The following GOLGB1 variants were observed in gnomAD, a reference collection of about 807,000 sequenced individuals.
GOLGB1 encodes golgin B1.
In GOLGB1, 174 loss-of-function variants were observed where a neutral mutation model predicts 336.9. That is an observed-to-expected ratio of 0.52 (90% confidence interval 0.46 to 0.59). The LOEUF (loss-of-function observed/expected upper bound fraction) is 0.59. Ranked by LOEUF, GOLGB1 falls within the 20% of genes least tolerant of loss-of-function variation. GOLGB1 has a pLI of 0.00. For missense variants in GOLGB1, 3,331 were observed against 3,645.3 expected (o/e 0.91, Z 2.22); for synonymous variants, 1,208 against 1,289.2 (o/e 0.94, Z 1.35).
Position 121,716,739 on chromosome 3 carries a change from T to C in GOLGB1, c.1286A>G (p.Glu429Gly), listed in dbSNP as rs779906510. ...VQSAQTIQQLEDQLQQKSKEI... is the reference protein window; with the variant it reads ...VQSAQTIQQLGDQLQQKSKEI... ...TTCAAAAGCAATCAGCTACTGACCT[T>C]CCAGTTGCTGAATGGTCTGGGCTGA... Residue 429 changes from glutamate (E) to glycine (G), a missense_variant and splice_region_variant, in exon 9 of 22, where the codon GAA (glutamate) becomes GGA (glycine). Physicochemically the swap from Glu to Gly is moderately conservative, Grantham distance 98 (BLOSUM62 -2). Transcript: ENST00000614479. 38 of 1,604,814 alleles carry C rather than the reference T, an allele frequency of 2.4e-5. No homozygotes were observed. The highest frequency in any genetic ancestry group is 3.1e-5 in the Non-Finnish European group (37 of 1,174,978).
At chr3:121,730,156 AATC>A (rs746584065) in intron 2 of GOLGB1, 139 bp from the exon 3 acceptor site, 3 of 594,948 alleles carry the variant, frequency 5.0e-6, no homozygotes, top group Non-Finnish European at 8.9e-6. Flanking sequence ...ATCCAATAAT[AATC>A]ATTATCATAG....
chr3:121,685,558 T>C (rs1465044457), intron 14 of GOLGB1, among the ~76,000 whole-genome samples: 4 of 150,762 alleles, frequency 2.7e-5, no homozygotes, highest in African/African-American at 9.8e-5. Context: ...AATAAATAAA[T>C]AAATAAATAA....
intron 10 of GOLGB1, among the ~76,000 whole-genome samples, chr3:121,707,039 C>T (rs1174202754): frequency 7.3e-5 from 11 of 150,388 alleles, no homozygotes; most frequent in African/African-American, 2.7e-4. Flanking sequence ...GGTGAAACCC[C>T]GTCTCTACCA....
intron 17 of GOLGB1, among the ~76,000 whole-genome samples, chr3:121,674,973 C>A (rs1166196210): frequency 6.6e-6 from 1 of 151,404 alleles, no homozygotes; most frequent in East Asian, 1.9e-4. Flanking sequence ...GTAGCTGGGA[C>A]TACAGGCGCC....
chr3:121,696,023 T>A lies in GOLGB1; in HGVS notation c.4500A>T (p.Ala1500=), dbSNP rs755785398. 6.2e-7 allele frequency: 1 copy of A among 1,614,180 alleles called. No individual in the cohort carries two copies. Among genetic ancestry groups the A allele is most frequent in the Non-Finnish European group, 8.5e-7 (1 of 1,180,020 alleles). The change falls in exon 13 of 22, where the codon GCA becomes GCT. Residue 1500 remains alanine (A), a synonymous_variant. Transcript: ENST00000614479. ...LQAALISRKE[A]LKENKSLQEE... ...CTTGGAGACTTTTGTTTTCTTTTAG[T>A]GCTTCTTTTCGGGAAATAAGGGCAG... is the stretch of plus-strand genomic sequence containing the variant.
rs1942442430 is a variant in GOLGB1 at position 121,691,756 on chromosome 3, T to C, written c.7608A>G (p.Ala2536=). 2.5e-6 allele frequency: 4 copies of C among 1,613,526 alleles called. No individual in the cohort carries two copies. Among genetic ancestry groups the C allele is most frequent in the Non-Finnish European group, 3.4e-6 (4 of 1,179,534 alleles). The part of the protein sequence containing the change: ...DLNSENAKLD[A]ELIQYREDLN... ...GGTCTTCTCTATATTGGATCAGTTC[T>C]GCATCTAGCTTGGCATTCTCAGAAT... Residue 2536 remains alanine, a synonymous_variant, in exon 14 of 22, where the codon GCA becomes GCG. Transcript: ENST00000614479.
chr3:121,678,992 TA>T (rs202068344), intron 15 of GOLGB1, among the ~76,000 whole-genome samples: 2,294 of 150,244 alleles, frequency 0.015, 56 homozygotes, highest in African/African-American at 0.05. Context: ...AAAACTGAAT[TA>T]AAAAAAAAAT....
chr3:121,697,744 A>G lies in GOLGB1; in HGVS notation c.2779T>C (p.Phe927Leu), dbSNP rs2107861126. The G allele has an allele frequency of 6.2e-7, 1 of 1,613,756 alleles. No homozygotes were observed. The highest frequency in any genetic ancestry group is 2.2e-5 in the East Asian group (1 of 44,872). ...EKMVQLNEEK[F>L]SLGVEIKTLK... ...GTCTTAATTTCAACCCCAAGAGAAA[A>G]CTTCTCTTCATTAAGCTGAACCATT... Residue 927 changes from phenylalanine to leucine, a missense_variant, in exon 13 of 22, where the codon TTT becomes CTT. Phe to Leu is a conservative substitution (Grantham distance 22, BLOSUM62 0). Transcript: ENST00000614479.
chr3:121,722,181 A>T (rs1246583405), intron 6 of GOLGB1, 81 bp downstream of exon 6: 1 of 773,442 alleles, frequency 1.3e-6, no homozygotes, highest in African/African-American at 1.7e-5. Flanking sequence ...AGGATTTTTT[A>T]AAGTGACTCA....
chr3:121,693,069 C>T (rs1239801656), intron 13 of GOLGB1, among the ~76,000 whole-genome samples: 1 of 152,038 alleles, frequency 6.6e-6, no homozygotes, highest in Non-Finnish European at 1.5e-5. Context: ...GAAAAAATAA[C>T]TCTAAGAGGT....
chr3:121,718,575 T>C, intron 7 of GOLGB1, 74 bp from the exon 8 acceptor site: 4 of 1,063,336 alleles, frequency 3.8e-6, no homozygotes, highest in South Asian at 1.3e-5. Context: ...CAAAATGTCA[T>C]GTAGATTTGT....
intron 10 of GOLGB1, among the ~76,000 whole-genome samples, chr3:121,705,791 T>C (rs566960470): frequency 6.6e-6 from 1 of 152,302 alleles, no homozygotes; most frequent in African/African-American, 2.4e-5. Context: ...GATTAAAGAA[T>C]AGCACTTGGT....
rs778004960 is a variant in GOLGB1, at chr3:121,697,608, C to T, written c.2915G>A (p.Ser972Asn). ...SGLKQNYDEM[S>N]PAGQISKEEL... ...TTCCTTACTTATTTGTCCTGCTGGG[C>T]TCATCTCATCATAATTTTGTTTAAG... Residue 972 changes from serine (S) to asparagine (N), a missense_variant, in exon 13 of 22, where the codon AGC becomes AAC. Ser to Asn is a conservative substitution (Grantham distance 46). Transcript: ENST00000614479. The T allele has an allele frequency of 6.1e-5, 98 of 1,612,408 alleles. No individual in the cohort carries two copies. The highest frequency in any genetic ancestry group is 8.1e-5 in the Non-Finnish European group (96 of 1,179,454).
intron 10 of GOLGB1, among the ~76,000 whole-genome samples, chr3:121,705,229 A>G (rs973696403): frequency 6.6e-6 from 1 of 152,206 alleles, no homozygotes; most frequent in African/African-American, 2.4e-5. Flanking sequence ...TTAACTCAAG[A>G]AGACTGAAAA....
intron 13 of GOLGB1, among the ~76,000 whole-genome samples, chr3:121,692,835 T>G (rs1042086647): frequency 2.0e-5 from 3 of 152,230 alleles, no homozygotes; most frequent in African/African-American, 7.2e-5. Context: ...TCACTTATTT[T>G]AGTGACATGG....
At chr3:121,739,272 A>T (rs1334357328) in intron 1 of GOLGB1, among the ~76,000 whole-genome samples, 2 of 152,192 alleles carry the variant, frequency 1.3e-5, no homozygotes, top group East Asian at 1.9e-4. Flanking sequence ...CACAAAAAAG[A>T]AAAAAAGAGC....
Position 121,694,265 on chromosome 3 carries a change from T to C in GOLGB1, c.6258A>G (p.Lys2086=), listed in dbSNP as rs1255834915. 1.9e-6 allele frequency: 3 copies of C among 1,610,424 alleles called. No individual in the cohort carries two copies. Among genetic ancestry groups the C allele is most frequent in the Non-Finnish European group, 2.5e-6 (3 of 1,179,994 alleles). Residue 2086 remains lysine, a synonymous_variant, in exon 13 of 22, where the codon AAA becomes AAG. Coordinates refer to ENST00000614479, the MANE Select transcript of GOLGB1 (RefSeq NM_001366282.2). ...KKAQAELASF[K]VLLDDTQSEA... ...CACTTTGAGTGTCATCTAGCAGGAC[T>C]TTGAAGCTAGCTAATTCTGCTTGTG... is the stretch of plus-strand genomic sequence containing the variant.
chr3:121,729,588 A>AT (rs911072970), intron 3 of GOLGB1, among the ~76,000 whole-genome samples: 53 of 150,898 alleles, frequency 3.5e-4, no homozygotes, highest in Middle Eastern at 6.8e-3. Context: ...TTTTTTTTAA[A>AT]TTTTTTTTTG....
intron 5 of GOLGB1, 68 bp downstream of exon 5, chr3:121,726,845 T>C (rs998619150): frequency 2.3e-5 from 27 of 1,180,058 alleles, no homozygotes; most frequent in Non-Finnish European, 2.8e-5. Context: ...AATGTATTTG[T>C]CACATAATAA....
Sources: allele counts gnomAD v4.1 joint callset (sites outside exome capture counted in the v4.1 genomes callset), GRCh38; gene constraint gnomAD v4.1.1; transcripts MANE v1.5; gene names NCBI Gene and HGNC (gene_info 2026-07-23, HGNC 2026-07-21).